The following LPP variants were observed in gnomAD, a reference collection of about 807,000 sequenced individuals.
LPP encodes LIM domain containing preferred translocation partner in lipoma.
A neutral mutation model predicts 60.4 loss-of-function variants in LPP; 38 were observed. That is an observed-to-expected ratio of 0.63 (90% CI 0.49 to 0.83). LPP has a LOEUF of 0.83. Ranked by LOEUF, LPP falls within the 40% of genes least tolerant of loss-of-function variation. The pLI is 0.00. For synonymous variants in LPP, 328 were observed against 290.8 expected (o/e 1.13, Z -1.30); for missense variants, 902 against 783.6 (o/e 1.15, Z -1.80).
chr3:188,850,810 G>T (rs1762515729), intron 9 of LPP, among the ~76,000 whole-genome samples: 1 of 152,172 alleles, frequency 6.6e-6, no homozygotes, highest in South Asian at 2.1e-4. Context: ...GGCGCCACAT[G>T]ATGAAGGGAA....
intron 4 of LPP, among the ~76,000 whole-genome samples, chr3:188,422,865 G>A (rs4122385): frequency 0.27 from 40,655 of 150,910 alleles, 5,683 homozygotes; most frequent in Non-Finnish European, 0.3. Flanking sequence ...TAATATAGAA[G>A]AGGTTACGCT....
intron 2 of LPP, among the ~76,000 whole-genome samples, chr3:188,250,995 TCCCCCCCTGCCCTC>T (rs1729377160): frequency 1.0e-4 from 2 of 19,100 alleles, no homozygotes; most frequent in African/African-American, 2.1e-4. Flanking sequence ...TCCCCTGCCC[TCCCCCCCTGCCCTC>T]CCCCCCGCCC....
At chr3:188,640,807 C>G (rs1024548020) in intron 7 of LPP, among the ~76,000 whole-genome samples, 2 of 152,064 alleles carry the variant, frequency 1.3e-5, no homozygotes, top group Non-Finnish European at 2.9e-5. Flanking sequence ...AGCAATCTGT[C>G]TACATGTCTA....
chr3:188,521,489 A>G (rs1026708619), intron 5 of LPP, among the ~76,000 whole-genome samples: 1 of 152,202 alleles, frequency 6.6e-6, no homozygotes. Context: ...GCTTCAGTAA[A>G]GTACAGATGT....
chr3:188,878,900 GA>G lies in LPP; in HGVS notation c.*4423del, dbSNP rs1769585805. 4.5e-6 allele frequency: 1 copy of G among 223,748 alleles called. No individual in the cohort carries two copies. The highest frequency in any genetic ancestry group is 2.2e-5 in the African/African-American group (1 of 44,826). 13.9% of individuals were successfully genotyped at this position (223,748 alleles called of 1,614,324 possible). A position where few individuals can be genotyped will look rare whatever the true frequency, so the allele number is the denominator to read the frequency against. ...AAATGAGTAAAACATTTTTATGCCAGAAGGTGATATAATGGATGTTAGTGTT... is the reference window on the plus strand; with the variant it reads ...AAATGAGTAAAACATTTTTATGCCAGAGGTGATATAATGGATGTTAGTGTT... On this transcript the variant is annotated 3_prime_UTR_variant, in exon 12 of 12. Transcript: ENST00000617246.
At chr3:188,607,072 CT>C (rs201199635) in intron 6 of LPP, among the ~76,000 whole-genome samples, 4 of 147,322 alleles carry the variant, frequency 2.7e-5, no homozygotes, top group African/African-American at 7.5e-5. Flanking sequence ...TTAAAAGTAA[CT>C]TTTTTTTTAT....
intron 9 of LPP, among the ~76,000 whole-genome samples, chr3:188,810,675 G>A (rs567018271): frequency 5.3e-5 from 8 of 152,196 alleles, no homozygotes; most frequent in African/African-American, 1.9e-4. Context: ...ATCTACTGGT[G>A]GTCTTGGAAG....
intron 9 of LPP, among the ~76,000 whole-genome samples, chr3:188,776,354 A>T (rs1191626334): frequency 5.3e-5 from 8 of 152,134 alleles, no homozygotes; most frequent in Admixed American, 3.3e-4. Flanking sequence ...ATATCTCAAC[A>T]TTTTTTTATG....
chr3:188,268,749 C>T (rs926703173), intron 2 of LPP, among the ~76,000 whole-genome samples: 12 of 152,190 alleles, frequency 7.9e-5, no homozygotes, highest in East Asian at 1.9e-4. Context: ...TACTGACTTA[C>T]GCCATTGTGC....
intron 3 of LPP, among the ~76,000 whole-genome samples, chr3:188,356,536 A>C (rs1361463350): frequency 1.3e-5 from 2 of 152,060 alleles, no homozygotes; most frequent in African/African-American, 4.8e-5. Flanking sequence ...AGTTTTATAA[A>C]CTGTTTCACT....
chr3:188,592,868 T>G (rs1419917797), intron 6 of LPP, among the ~76,000 whole-genome samples: 3 of 152,040 alleles, frequency 2.0e-5, no homozygotes, highest in African/African-American at 7.2e-5. Context: ...TACACTGTCT[T>G]ACACGAGGGC....
chr3:188,300,307 A>G (rs1749356425), intron 2 of LPP, among the ~76,000 whole-genome samples: 1 of 152,182 alleles, frequency 6.6e-6, no homozygotes, highest in Non-Finnish European at 1.5e-5. Context: ...GTAAATTTTA[A>G]TCATTGCATA....
chr3:188,671,276 A>G (rs766580760), intron 7 of LPP, among the ~76,000 whole-genome samples: 13 of 152,214 alleles, frequency 8.5e-5, no homozygotes, highest in Non-Finnish European at 1.5e-4. Flanking sequence ...CAATTAATAA[A>G]TGTGTAAGGA....
intron 2 of LPP, among the ~76,000 whole-genome samples, chr3:188,250,652 C>T (rs376931260): frequency 1.3e-5 from 2 of 152,014 alleles, no homozygotes; most frequent in African/African-American, 2.4e-5. Context: ...CTACTGTATG[C>T]GGGAGCCCCT....
intron 7 of LPP, among the ~76,000 whole-genome samples, chr3:188,673,162 A>G (rs1468891368): frequency 6.6e-6 from 1 of 152,182 alleles, no homozygotes; most frequent in East Asian, 1.9e-4. Context: ...CAAGTAAAAG[A>G]AAGCTTATTT....
intron 2 of LPP, among the ~76,000 whole-genome samples, chr3:188,244,715 CCT>C (rs986286652): frequency 6.6e-6 from 1 of 151,716 alleles, no homozygotes; most frequent in African/African-American, 2.4e-5. Context: ...ATAATCTACC[CCT>C]CTCTCTCTGA....
At chr3:188,747,837 G>T (rs1320159705) in intron 8 of LPP, among the ~76,000 whole-genome samples, 1 of 152,192 alleles carries the variant, frequency 6.6e-6, no homozygotes, top group Non-Finnish European at 1.5e-5. Flanking sequence ...TTAGCAATGA[G>T]AATTCTTCAG....
intron 7 of LPP, among the ~76,000 whole-genome samples, chr3:188,636,847 C>G (rs959253574): frequency 8.6e-5 from 13 of 150,446 alleles, no homozygotes; most frequent in East Asian, 1.9e-4. Context: ...AGCTGAGGGT[C>G]CTGTCTGTTA....
In LPP at chr3:188,314,605, G is replaced by GTT. The variant is rs367716473; in HGVS notation, c.-66-27057_-66-27056insTT. Among the ~76,000 whole-genome samples, 816 of 152,088 alleles carry GTT rather than the reference G, an allele frequency of 5.4e-3. 7 individuals are homozygous for GTT. The highest frequency in any genetic ancestry group is 0.021 in the South Asian group (100 of 4,810). The stretch of plus-strand genomic sequence containing the variant: ...GAGATTATTTGAAAATTCTGTGTGT[G>GTT]TGTGTGTGTGATCGAGACCATCCTG... On this transcript the variant is annotated intron_variant, in intron 2 of 11. Coordinates refer to ENST00000617246, the MANE Select transcript of LPP (RefSeq NM_001375462.1).
Sources: gnomAD v4.1 joint callset for allele counts (sites outside exome capture counted in the v4.1 genomes callset) on GRCh38, gnomAD v4.1.1 for gene constraint, MANE v1.5 for transcripts, NCBI Gene and HGNC (gene_info 2026-07-23, HGNC 2026-07-21) for gene names.